The following PTPDC1 variants were observed in gnomAD, a reference collection of about 807,000 sequenced individuals.
PTPDC1 encodes protein tyrosine phosphatase domain-containing protein 1.
Under a neutral mutation model 75.3 loss-of-function variants are expected in PTPDC1, and 53 were observed. The observed-to-expected ratio is 0.70, with a 90% CI of 0.56 to 0.88. The LOEUF is 0.88. PTPDC1 is among the 40% of genes least tolerant of loss of function. The probability of loss-of-function intolerance (pLI) is 0.00; values close to 1 mark genes in which losing one functional copy is unlikely to be tolerated. For synonymous variants in PTPDC1, 349 were observed against 366.2 expected, an observed-to-expected ratio of 0.95 and a Z score of 0.54; for missense variants, 925 against 998.6, an observed-to-expected ratio of 0.93 and a Z score of 0.99.
At chr9:94,076,256 A>G (rs1234474949) in intron 2 of PTPDC1, among the ~76,000 whole-genome samples, 1 of 152,094 alleles carries the variant, frequency 6.6e-6, no homozygotes, top group South Asian at 2.1e-4. Context: ...CACCTGCCTC[A>G]GCCTCCCAAA....
At chr9:94,064,968 G>A in intron 2 of PTPDC1, 1 of 624,300 alleles carries the variant, frequency 1.6e-6, no homozygotes, top group Admixed American at 3.2e-5. Flanking sequence ...TACCATCTTG[G>A]CCTGTTAGAA....
rs995910661 is a variant in PTPDC1 at position 94,107,066 on chromosome 9, A to G, written c.2311-762A>G. 5.3e-5 allele frequency among the ~76,000 whole-genome samples: 8 copies of G among 151,998 alleles called. No homozygotes were observed. The East Asian group carries it at 1.6e-3, about 30-fold the overall frequency. ...CCTCCTGGGCTCCGGCAATCCTCCC[A>G]CCTCAGCCTCCCAAGTAGCTGGGAC... On this transcript the variant is annotated intron_variant, in intron 8 of 8. Coordinates refer to ENST00000620992, the MANE Select transcript of PTPDC1 (RefSeq NM_001253829.2).
Position 94,095,350 on chromosome 9 carries a change from G to T in PTPDC1, c.650G>T (p.Gly217Val). 1 of 1,612,146 alleles carries T rather than the reference G, an allele frequency of 6.2e-7. No individual in the cohort carries two copies. Among genetic ancestry groups the T allele is most frequent in the Non-Finnish European group, 8.5e-7 (1 of 1,178,808 alleles). ...TACAATTTCGGATGGAAGGATTATG[G>T]TGTAGCGTCTCTTACTACTATCCTA... ...YFYNFGWKDYGVASLTTILDM... is the reference protein window; with the variant it reads ...YFYNFGWKDYVVASLTTILDM... The change falls in exon 5 of 9, where the codon GGT becomes GTT. Residue 217 changes from glycine (G) to valine (V), a missense_variant. Gly to Val is a moderately radical substitution (Grantham distance 109). Coordinates refer to ENST00000620992, the MANE Select transcript of PTPDC1 (RefSeq NM_001253829.2).
intron 1 of PTPDC1, among the ~76,000 whole-genome samples, chr9:94,046,941 C>T (rs1473887694): frequency 3.9e-5 from 6 of 152,186 alleles, no homozygotes; most frequent in African/African-American, 1.4e-4. Flanking sequence ...AAAGGGAATG[C>T]TTCCAGTTTT....
chr9:94,057,202 C>T (rs1247538272), intron 1 of PTPDC1, among the ~76,000 whole-genome samples: 1 of 152,102 alleles, frequency 6.6e-6, no homozygotes, highest in Non-Finnish European at 1.5e-5. Flanking sequence ...CCTCAGCCTC[C>T]CAAGTAGCTG....
rs758549300 is a variant in PTPDC1 at position 94,088,147 on chromosome 9, A to G, written c.500A>G (p.His167Arg). 7 of 1,612,430 alleles carry G rather than the reference A, an allele frequency of 4.3e-6. No homozygotes were observed. The highest frequency in any genetic ancestry group is 1.7e-4 in the Middle Eastern group (1 of 5,864). ...KYHIIDQFLSHGIKTIINLQR... is the reference protein window; with the variant it reads ...KYHIIDQFLSRGIKTIINLQR... ...CTGACTGCCCTTTTTCCTTTAAGCC[A>G]TGGCATAAAAACAATAATCAACCTC... Residue 167 changes from histidine to arginine, a missense_variant and splice_region_variant, in exon 4 of 9, where the codon CAT becomes CGT. By Grantham distance (29) the His-to-Arg change is conservative (BLOSUM62 0). Transcript: ENST00000620992.
intron 1 of PTPDC1, among the ~76,000 whole-genome samples, chr9:94,061,555 G>T (rs1826139394): frequency 6.6e-6 from 1 of 152,210 alleles, no homozygotes; most frequent in African/African-American, 2.4e-5. Flanking sequence ...TGGACATTCA[G>T]GTTTTTCCAT....
intron 2 of PTPDC1, among the ~76,000 whole-genome samples, chr9:94,066,723 C>A (rs1342403951): frequency 2.0e-5 from 3 of 151,642 alleles, no homozygotes; most frequent in Non-Finnish European, 2.9e-5. Context: ...ACGCCCGGCT[C>A]ATTTTTGTGT....
At chr9:94,038,089 C>A in intron 1 of PTPDC1, 2 of 546,896 alleles carry the variant, frequency 3.7e-6, no homozygotes, top group South Asian at 1.7e-5. Flanking sequence ...AGTGACACAC[C>A]GTGGAAAAGG....
rs1166306912 is a variant in PTPDC1 at position 94,101,418 on chromosome 9, G to A, written c.2014-148G>A. ...CAGTGTCCAGCCTGGAAGTGGAGAGGCTGGGAGGGGTCCCAGTTCTGCACT... is the reference window on the plus strand; with the variant it reads ...CAGTGTCCAGCCTGGAAGTGGAGAGACTGGGAGGGGTCCCAGTTCTGCACT... On this transcript the variant is annotated intron_variant, in intron 6 of 8. Coordinates refer to ENST00000620992, the MANE Select transcript of PTPDC1 (RefSeq NM_001253829.2). 6 of 551,992 alleles carry A rather than the reference G, an allele frequency of 1.1e-5. No homozygotes were observed. In the African/African-American group the frequency reaches 1.2e-4, roughly 11 times the overall value. 34.2% of individuals were successfully genotyped at this position (551,992 alleles called of 1,614,324 possible). A position where few individuals can be genotyped will look rare whatever the true frequency, so the allele number is the denominator to read the frequency against.
At position 94,109,393 on chromosome 9, in the gene PTPDC1, C is replaced by T. The variant is rs1433651036; in HGVS notation, c.*1449C>T. The T allele has an allele frequency of 1.3e-5, 2 of 152,174 alleles. No homozygotes were observed. Among genetic ancestry groups the T allele is most frequent in the African/African-American group, 4.8e-5 (2 of 41,436 alleles). The allele number at this position is 152,174 out of a possible 1,614,324, so 9.4% of individuals were successfully genotyped here. A position where few individuals can be genotyped will look rare whatever the true frequency, so the allele number is the denominator to read the frequency against. ...TCTAGCACATCAAAAATATTTCAGT[C>T]ATTATCAGTCTCATTAACTGAAATG... On this transcript the variant is annotated 3_prime_UTR_variant, in exon 9 of 9. Transcript: ENST00000620992.
At chr9:94,067,643 C>T (rs1020133884) in intron 2 of PTPDC1, among the ~76,000 whole-genome samples, 1 of 151,842 alleles carries the variant, frequency 6.6e-6, no homozygotes, top group Non-Finnish European at 1.5e-5. Flanking sequence ...TTTTTGTCTC[C>T]CAGGCTGGAG....
chr9:94,046,678 T>C (rs1353733887), intron 1 of PTPDC1, among the ~76,000 whole-genome samples: 2 of 152,186 alleles, frequency 1.3e-5, no homozygotes, highest in South Asian at 2.1e-4. Context: ...ATGCTTGTGA[T>C]TTTTACACAT....
At chr9:94,038,339 T>C (rs1825334335) in intron 1 of PTPDC1, 2 of 600,960 alleles carry the variant, frequency 3.3e-6, no homozygotes, top group South Asian at 3.4e-5. Flanking sequence ...AAGCTACTAG[T>C]GAGTAATTAT....
intron 2 of PTPDC1, among the ~76,000 whole-genome samples, chr9:94,071,280 C>T (rs1171290887): frequency 6.6e-6 from 1 of 152,060 alleles, no homozygotes; most frequent in Non-Finnish European, 1.5e-5. Context: ...AACCTCTTTT[C>T]ATGTGCTTAT....
intron 1 of PTPDC1, among the ~76,000 whole-genome samples, chr9:94,045,846 T>G (rs970180004): frequency 1.6e-3 from 244 of 152,248 alleles, no homozygotes; most frequent in African/African-American, 5.6e-3. Flanking sequence ...CTCTTTAGTT[T>G]AATTAGATCC....
chr9:94,083,211 C>T (rs1180398370), upstream of PTPDC1, among the ~76,000 whole-genome samples: 2 of 152,190 alleles, frequency 1.3e-5, no homozygotes, highest in Non-Finnish European at 2.9e-5. Flanking sequence ...ACTGCTGTTT[C>T]TGTGTTGCCC....
intron 1 of PTPDC1, among the ~76,000 whole-genome samples, chr9:94,045,741 T>C (rs375441198): frequency 6.6e-6 from 1 of 152,182 alleles, no homozygotes; most frequent in Non-Finnish European, 1.5e-5. Flanking sequence ...ATTCTGGATA[T>C]TAGCCCTTTG....
At position 94,097,664 on chromosome 9, in the gene PTPDC1, AG is replaced by A. The variant is rs757680955; in HGVS notation, c.1100del (p.Gly367AspfsTer8). ...CAGTGATGATGAAGGATGTGTCCGA[AG>A]GACCTGGTCTCTCTGCTGAAATAGA... ...RPVMMKDVSE[G>X]PGLSAEIEKT... On this transcript the variant is annotated frameshift_variant, in exon 6 of 9. Coordinates refer to ENST00000620992, the MANE Select transcript of PTPDC1 (RefSeq NM_001253829.2). LOFTEE classifies it high-confidence loss of function. 6.2e-7 allele frequency: 1 copy of A among 1,614,188 alleles called. No individual in the cohort carries two copies.
Sources: allele counts gnomAD v4.1 joint callset (sites outside exome capture counted in the v4.1 genomes callset), GRCh38; gene constraint gnomAD v4.1.1; transcripts MANE v1.5; gene names NCBI Gene and HGNC (gene_info 2026-07-23, HGNC 2026-07-21).